GALNT13: variants seen among roughly 807,000 people sequenced by gnomAD.
GALNT13 encodes UDP-GalNAc:polypeptide N-acetylgalactosaminyltransferase 13.
Under a neutral mutation model 64.2 loss-of-function variants are expected in GALNT13, and 28 were observed. The observed-to-expected ratio is 0.44, with a 90% CI of 0.32 to 0.60. The LOEUF is 0.60. Among genes scored for constraint, GALNT13 ranks in the 20% least tolerant of loss-of-function variants. The pLI, the probability that GALNT13 is intolerant of heterozygous loss-of-function variation, is 0.05. For missense variants in GALNT13, 577 were observed against 669.8 expected (o/e 0.86, Z 1.53); for synonymous variants, 214 against 224.6 (o/e 0.95, Z 0.42).
intron 11 of GALNT13, chr2:154,437,921 G>A: frequency 4.6e-6 from 1 of 216,372 alleles, no homozygotes; most frequent in Non-Finnish European, 9.5e-6. Context: ...ATTCACACCA[G>A]GAACAAAATA....
chr2:153,677,383 A>C, the GALNT13 span, among the ~76,000 whole-genome samples: 1 of 151,882 alleles, frequency 6.6e-6, no homozygotes, highest in Admixed American at 6.6e-5. Flanking sequence ...AGAATTTTAA[A>C]ACACTGCTTA....
the GALNT13 span, among the ~76,000 whole-genome samples, chr2:153,149,689 G>A: frequency 1.3e-5 from 2 of 151,736 alleles, no homozygotes; most frequent in Admixed American, 1.3e-4. Context: ...ATTTTAGGGT[G>A]TATTTATTAC....
chr2:153,193,945 T>G, the GALNT13 span, among the ~76,000 whole-genome samples: 1 of 150,924 alleles, frequency 6.6e-6, no homozygotes, highest in Non-Finnish European at 1.5e-5. Context: ...GCCTATAAGA[T>G]TTCTGCTGAG....
chr2:153,276,424 T>G, the GALNT13 span, among the ~76,000 whole-genome samples: 1 of 152,246 alleles, frequency 6.6e-6, no homozygotes, highest in South Asian at 2.1e-4. Flanking sequence ...TAAATTGATT[T>G]ATTTTTTGTT....
At chr2:153,503,232 A>T in the GALNT13 span, among the ~76,000 whole-genome samples, 1 of 152,044 alleles carries the variant, frequency 6.6e-6, no homozygotes, top group Non-Finnish European at 1.5e-5. Flanking sequence ...GAAGTATTTG[A>T]CCCATCTTGA....
At chr2:153,653,224 G>T in the GALNT13 span, among the ~76,000 whole-genome samples, 1 of 152,164 alleles carries the variant, frequency 6.6e-6, no homozygotes, top group South Asian at 2.1e-4. Context: ...TGAAGAGAAG[G>T]AGGGGAAGCA....
chr2:153,511,549 A>T, the GALNT13 span, among the ~76,000 whole-genome samples: 1 of 152,196 alleles, frequency 6.6e-6, no homozygotes. Flanking sequence ...CACTCTAGGA[A>T]AAAGGGAAAG....
chr2:153,158,757 A>C, the GALNT13 span, among the ~76,000 whole-genome samples: 1 of 152,244 alleles, frequency 6.6e-6, no homozygotes, highest in African/African-American at 2.4e-5. Flanking sequence ...AACTATCTAC[A>C]AACAGGCCAA....
chr2:153,912,973 C>G (rs1689061204), intron 2 of GALNT13, among the ~76,000 whole-genome samples: 2 of 152,142 alleles, frequency 1.3e-5, no homozygotes, highest in South Asian at 4.2e-4. Context: ...GGGTAGCCAG[C>G]AGGTGTTTGC....
chr2:153,984,224 A>G (rs746400808), intron 3 of GALNT13, among the ~76,000 whole-genome samples: 23 of 151,924 alleles, frequency 1.5e-4, no homozygotes, highest in Admixed American at 1.3e-4. Flanking sequence ...AAATGAAAAA[A>G]TCATAGGTTG....
chr2:153,917,523 G>T (rs542292302), intron 2 of GALNT13, among the ~76,000 whole-genome samples: 11 of 152,140 alleles, frequency 7.2e-5, no homozygotes, highest in African/African-American at 2.2e-4. Flanking sequence ...TTTTCTAGAA[G>T]TATTAACAAT....
At chr2:153,432,720 T>G in the GALNT13 span, among the ~76,000 whole-genome samples, 723 of 150,922 alleles carry the variant, frequency 4.8e-3, 7 homozygotes, top group African/African-American at 0.017. Context: ...GGCTGGGGGG[T>G]GGGGAGGTGG....
chr2:153,656,517 G>T, the GALNT13 span, among the ~76,000 whole-genome samples: 4 of 152,010 alleles, frequency 2.6e-5, no homozygotes, highest in Non-Finnish European at 5.9e-5. Context: ...ACTAGAACTG[G>T]AATATTGTAG....
the GALNT13 span, among the ~76,000 whole-genome samples, chr2:153,455,178 T>C: frequency 6.6e-6 from 1 of 152,356 alleles, no homozygotes; most frequent in East Asian, 1.9e-4. Flanking sequence ...TTTAAAAATC[T>C]GTTCTTATAA....
At chr2:154,124,065 A>G (rs1335956153) in intron 3 of GALNT13, among the ~76,000 whole-genome samples, 2 of 152,106 alleles carry the variant, frequency 1.3e-5, no homozygotes, top group East Asian at 3.8e-4. Flanking sequence ...CTTAACTAAG[A>G]GGGCCAAGAA....
chr2:153,866,875 T>C, the GALNT13 span, among the ~76,000 whole-genome samples: 1 of 152,214 alleles, frequency 6.6e-6, no homozygotes, highest in Non-Finnish European at 1.5e-5. Context: ...GTGAGAAAGA[T>C]TGTAAACATT....
the GALNT13 span, among the ~76,000 whole-genome samples, chr2:153,827,145 A>G: frequency 6.6e-6 from 1 of 152,082 alleles, no homozygotes; most frequent in African/African-American, 2.4e-5. Flanking sequence ...TCTTATGTGG[A>G]AGGCAGCAGG....
chr2:154,405,018 G>A (rs1470558007), intron 10 of GALNT13, among the ~76,000 whole-genome samples: 1 of 152,022 alleles, frequency 6.6e-6, no homozygotes, highest in Non-Finnish European at 1.5e-5. Context: ...CATGACTGAT[G>A]TAAGAAAAAG....
intron 4 of GALNT13, among the ~76,000 whole-genome samples, chr2:154,225,296 A>T (rs1688559668): frequency 6.6e-6 from 1 of 152,084 alleles, no homozygotes. Flanking sequence ...CTGTACTGAG[A>T]TACGTTTATT....
Sources: allele counts gnomAD v4.1 joint callset (sites outside exome capture counted in the v4.1 genomes callset), GRCh38; gene constraint gnomAD v4.1.1; transcripts MANE v1.5; gene names NCBI Gene and HGNC (gene_info 2026-07-23, HGNC 2026-07-21).